FGF7: variants seen among roughly 807,000 people sequenced by gnomAD.
The protein encoded by FGF7 is FGF-7.
Under a neutral mutation model 20.5 loss-of-function variants are expected in FGF7, and 6 were observed. The ratio of observed to expected loss-of-function variants is 0.29; its 90% confidence interval spans 0.16 to 0.58. FGF7 has a LOEUF of 0.58. FGF7 is among the 20% of genes least tolerant of loss of function. The pLI is 0.90. For synonymous variants in FGF7, 64 were observed against 74.7 expected (o/e 0.86, Z 0.74); for missense variants, 144 against 228.8 (o/e 0.63, Z 2.39).
At chr15:49,474,186 T>A (rs1405188046) in intron 2 of FGF7, among the ~76,000 whole-genome samples, 2 of 152,186 alleles carry the variant, frequency 1.3e-5, no homozygotes, top group Admixed American at 1.3e-4. Context: ...CTATTCTGTC[T>A]TAGGCTATCT....
rs1419570515 is a variant in FGF7, at chr15:49,484,399, A to C, written c.480A>C (p.Gly160=). The C allele has an allele frequency of 5.6e-6, 9 of 1,594,228 alleles. No individual in the cohort carries two copies. The highest frequency in any genetic ancestry group is 6.8e-6 in the Non-Finnish European group (8 of 1,178,152). ...TYASAKWTHN[G]GEMFVALNQK... ...CATCAGCTAAATGGACACACAACGG[A>C]GGGGAAATGTTTGTTGCCTTAAATC... The change falls in exon 4 of 4, where the codon GGA becomes GGC. Residue 160 remains glycine, a synonymous_variant. Transcript: ENST00000267843.
intron 3 of FGF7, 49 bp downstream of exon 3, chr15:49,483,303 C>A: frequency 1.1e-6 from 1 of 881,858 alleles, no homozygotes; most frequent in South Asian, 1.4e-5. Context: ...TCATTTTTGT[C>A]AAAATATCTC....
chr15:49,464,812 C>T (rs141201888), intron 2 of FGF7, among the ~76,000 whole-genome samples: 2,722 of 152,238 alleles, frequency 0.018, 41 homozygotes, highest in Middle Eastern at 0.048. Context: ...AAGACAGATG[C>T]CATTCTCCTT....
intron 3 of FGF7, among the ~76,000 whole-genome samples, chr15:49,483,721 C>A (rs2056156829): frequency 6.6e-6 from 1 of 152,034 alleles, no homozygotes; most frequent in African/African-American, 2.4e-5. Context: ...CACTTCACTA[C>A]AATGCAAAAT....
chr15:49,455,287 C>T (rs568507498), intron 2 of FGF7, among the ~76,000 whole-genome samples: 5 of 152,134 alleles, frequency 3.3e-5, no homozygotes, highest in Admixed American at 6.5e-5. Flanking sequence ...TAATGTATAG[C>T]GCTTATATTT....
intron 2 of FGF7, among the ~76,000 whole-genome samples, chr15:49,455,448 A>G (rs1004620562): frequency 5.3e-5 from 8 of 152,206 alleles, no homozygotes; most frequent in African/African-American, 1.9e-4. Context: ...TTTCTTAAGT[A>G]ATAAAATTGT....
At chr15:49,477,037 G>C (rs111422065) in intron 2 of FGF7, among the ~76,000 whole-genome samples, 3,279 of 147,794 alleles carry the variant, frequency 0.022, 144 homozygotes, top group African/African-American at 0.079. Flanking sequence ...TCCAGCCTGG[G>C]CGACAAAGCG....
At chr15:49,465,591 AAAAGAGAGACCTATAATTGATTG>A (rs1567330367) in intron 2 of FGF7, among the ~76,000 whole-genome samples, 1 of 151,736 alleles carries the variant, frequency 6.6e-6, no homozygotes, top group Non-Finnish European at 1.5e-5. Flanking sequence ...CCAAAACCAA[AAAAGAGAGACCTATAATTGATTG>A]AAAAACCAGA....
intron 2 of FGF7, among the ~76,000 whole-genome samples, chr15:49,476,750 T>C (rs1038964455): frequency 2.0e-5 from 3 of 152,132 alleles, no homozygotes; most frequent in East Asian, 1.9e-4. Context: ...AGAACACTTT[T>C]AGATTTACAA....
chr15:49,458,145 T>C (rs2053479933), intron 2 of FGF7, among the ~76,000 whole-genome samples: 1 of 152,078 alleles, frequency 6.6e-6, no homozygotes, highest in East Asian at 1.9e-4. Flanking sequence ...AAGGTATTTA[T>C]AATCACTAAC....
At chr15:49,455,978 G>C (rs2053247167) in intron 2 of FGF7, among the ~76,000 whole-genome samples, 1 of 152,004 alleles carries the variant, frequency 6.6e-6, no homozygotes. Context: ...AAACACTCTA[G>C]AAGAGCTTTC....
At chr15:49,464,247 A>C (rs1379250471) in intron 2 of FGF7, among the ~76,000 whole-genome samples, 2 of 152,130 alleles carry the variant, frequency 1.3e-5, no homozygotes, top group Non-Finnish European at 2.9e-5. Context: ...TTCCCGAAGG[A>C]TATTTTTTGC....
At chr15:49,466,010 C>A (rs2054237537) in intron 2 of FGF7, among the ~76,000 whole-genome samples, 1 of 152,082 alleles carries the variant, frequency 6.6e-6, no homozygotes, top group African/African-American at 2.4e-5. Context: ...GATTTAAAAA[C>A]AGGCAAAATT....
intron 2 of FGF7, among the ~76,000 whole-genome samples, chr15:49,454,272 G>T (rs901288693): frequency 1.3e-5 from 2 of 152,000 alleles, no homozygotes; most frequent in Non-Finnish European, 2.9e-5. Flanking sequence ...TTTCATAGGG[G>T]GCAGGGCACT....
At chr15:49,450,533 C>T (rs544883137) in intron 2 of FGF7, among the ~76,000 whole-genome samples, 2 of 152,088 alleles carry the variant, frequency 1.3e-5, no homozygotes, top group Non-Finnish European at 2.9e-5. Context: ...TGTAAACTTT[C>T]TCAGAAATAT....
intron 2 of FGF7, among the ~76,000 whole-genome samples, chr15:49,426,833 T>C (rs944779645): frequency 2.6e-5 from 4 of 151,956 alleles, no homozygotes; most frequent in African/African-American, 9.7e-5. Flanking sequence ...CTATAAACTT[T>C]TTAATAGGCT....
chr15:49,475,777 C>T (rs1259588476), intron 2 of FGF7, among the ~76,000 whole-genome samples: 1 of 152,014 alleles, frequency 6.6e-6, no homozygotes, highest in Non-Finnish European at 1.5e-5. Context: ...CACCTGAGGT[C>T]AGGAGTTTGA....
chr15:49,466,815 T>C (rs1267691070), intron 2 of FGF7, among the ~76,000 whole-genome samples: 1 of 152,218 alleles, frequency 6.6e-6, no homozygotes, highest in African/African-American at 2.4e-5. Flanking sequence ...ATTATCTTTT[T>C]AAGTAAACTC....
chr15:49,426,739 C>T (rs74922757), intron 2 of FGF7, among the ~76,000 whole-genome samples: 3,754 of 151,830 alleles, frequency 0.025, 92 homozygotes, highest in South Asian at 0.13. Flanking sequence ...AAAAGGAAGT[C>T]GCCCTATATT....
Sources: allele counts gnomAD v4.1 joint callset (sites outside exome capture counted in the v4.1 genomes callset), GRCh38; gene constraint gnomAD v4.1.1; transcripts MANE v1.5; gene names NCBI Gene and HGNC (gene_info 2026-07-23, HGNC 2026-07-21).